The following CNTNAP2 variants were observed in gnomAD, a reference collection of about 807,000 sequenced individuals.
The protein encoded by CNTNAP2 is contactin associated protein 2, also known as contactin-associated protein-like 2.
A neutral mutation model predicts 155.2 loss-of-function variants in CNTNAP2; 98 were observed. The observed-to-expected ratio is 0.63, with a 90% CI of 0.54 to 0.75. The LOEUF is 0.75. Among genes scored for constraint, CNTNAP2 ranks in the 30% least tolerant of loss-of-function variants. The pLI is 0.00. For synonymous variants in CNTNAP2, 651 were observed against 631.2 expected, an observed-to-expected ratio of 1.03 and a Z score of -0.47; for missense variants, 1,727 against 1,688.1, an observed-to-expected ratio of 1.02 and a Z score of -0.40.
intron 15 of CNTNAP2, among the ~76,000 whole-genome samples, chr7:148,106,722 C>CA (rs200862450): frequency 0.01 from 1,568 of 151,904 alleles, 19 homozygotes; most frequent in South Asian, 0.045. Context: ...CCTCTACATG[C>CA]AAAAAATACT....
intron 11 of CNTNAP2, among the ~76,000 whole-genome samples, chr7:147,489,156 C>T (rs1381023511): frequency 2.0e-5 from 3 of 152,168 alleles, no homozygotes; most frequent in Non-Finnish European, 4.4e-5. Flanking sequence ...GAGTATGCCT[C>T]CTAAACCTAT....
chr7:146,671,934 G>A (rs964249689), intron 1 of CNTNAP2, among the ~76,000 whole-genome samples: 1 of 151,968 alleles, frequency 6.6e-6, no homozygotes, highest in Non-Finnish European at 1.5e-5. Flanking sequence ...TCCTGCTTCA[G>A]CCTCCCGAGT....
intron 1 of CNTNAP2, among the ~76,000 whole-genome samples, chr7:146,165,078 T>C (rs1392916030): frequency 6.6e-6 from 1 of 152,174 alleles, no homozygotes; most frequent in East Asian, 1.9e-4. Flanking sequence ...CTATGACAAT[T>C]ATCTTTAAAC....
Position 146,783,726 on chromosome 7 carries a change from C to T in CNTNAP2, c.208+9345C>T, listed in dbSNP as rs932861118. ...TTGTTGCAATTTCCATAGAGCAATG[C>T]GTCCCAAAGTGCATGATGTTAATAT... On this transcript the variant is annotated intron_variant, in intron 2 of 23. Coordinates refer to ENST00000361727, the MANE Select transcript of CNTNAP2 (RefSeq NM_014141.6). Among the ~76,000 whole-genome samples the T allele has an allele frequency of 6.6e-5, 10 of 152,262 alleles. No individual in the cohort carries two copies. The South Asian group carries it at 1.7e-3, about 25-fold the overall frequency.
chr7:146,202,876 C>A (rs1432177714), intron 1 of CNTNAP2, among the ~76,000 whole-genome samples: 5 of 152,030 alleles, frequency 3.3e-5, no homozygotes, highest in Non-Finnish European at 7.4e-5. Flanking sequence ...AATTTGAATC[C>A]ATTATCTTTT....
chr7:148,353,491 C>T (rs1239424939), intron 21 of CNTNAP2, among the ~76,000 whole-genome samples: 4 of 152,226 alleles, frequency 2.6e-5, no homozygotes, highest in African/African-American at 9.6e-5. Context: ...ACCTCCTCTA[C>T]ATATTATCAT....
At chr7:148,275,232 A>G (rs187454543) in intron 21 of CNTNAP2, among the ~76,000 whole-genome samples, 3 of 152,324 alleles carry the variant, frequency 2.0e-5, no homozygotes, top group Admixed American at 2.0e-4. Context: ...TCTGGAAAAG[A>G]AGGTAATGGA....
At chr7:146,432,406 A>G (rs1796185300) in intron 1 of CNTNAP2, among the ~76,000 whole-genome samples, 1 of 152,148 alleles carries the variant, frequency 6.6e-6, no homozygotes, top group Non-Finnish European at 1.5e-5. Flanking sequence ...ATTGAATTAT[A>G]TATTTTTTGA....
intron 1 of CNTNAP2, among the ~76,000 whole-genome samples, chr7:146,380,926 G>A (rs963580150): frequency 6.7e-6 from 1 of 148,994 alleles, no homozygotes; most frequent in Non-Finnish European, 1.5e-5. Context: ...AGCCTCCCGA[G>A]TAGCTGGGAC....
At chr7:146,936,810 A>G (rs1284103753) in intron 3 of CNTNAP2, among the ~76,000 whole-genome samples, 2 of 152,006 alleles carry the variant, frequency 1.3e-5, no homozygotes, top group African/African-American at 2.4e-5. Context: ...CTCACTTCCA[A>G]TTTCTGTAGG....
intron 21 of CNTNAP2, among the ~76,000 whole-genome samples, chr7:148,352,321 G>A (rs1481416633): frequency 6.6e-6 from 1 of 152,104 alleles, no homozygotes; most frequent in Non-Finnish European, 1.5e-5. Context: ...AAGGCAAGGT[G>A]GACTCAGACA....
At chr7:146,805,951 T>C in intron 2 of CNTNAP2, among the ~76,000 whole-genome samples, 1 of 152,032 alleles carries the variant, frequency 6.6e-6, no homozygotes, top group South Asian at 2.1e-4. Flanking sequence ...GTTTTCACAG[T>C]TTGAGGTTCT....
chr7:147,526,558 G>C (rs1446984033), intron 11 of CNTNAP2, among the ~76,000 whole-genome samples: 2 of 152,224 alleles, frequency 1.3e-5, no homozygotes, highest in Non-Finnish European at 2.9e-5. Flanking sequence ...CTCATTGCTT[G>C]AAGGAATAAT....
rs1183698558 is a variant in CNTNAP2, at chr7:146,626,018, T to G, written c.98-148253T>G. On this transcript the variant is annotated intron_variant, in intron 1 of 23. Coordinates refer to ENST00000361727, the MANE Select transcript of CNTNAP2 (RefSeq NM_014141.6). Reference sequence around the variant, plus strand: ...TGGAAATGGATGAATCATTTCTCATTTCTTCTGAAAGACATACATTGTGCT... The same window carrying G: ...TGGAAATGGATGAATCATTTCTCATGTCTTCTGAAAGACATACATTGTGCT... 2.6e-5 allele frequency among the ~76,000 whole-genome samples: 4 copies of G among 152,094 alleles called. No individual in the cohort carries two copies. In the South Asian group the frequency reaches 8.3e-4, roughly 32 times the overall value.
chr7:147,446,263 G>T (rs1797738383), intron 10 of CNTNAP2, among the ~76,000 whole-genome samples: 1 of 151,366 alleles, frequency 6.6e-6, no homozygotes, highest in South Asian at 2.1e-4. Flanking sequence ...TTCCAAGGTG[G>T]CACTCTTCCT....
At position 146,839,819 on chromosome 7, in the gene CNTNAP2, G is replaced by T; in HGVS notation, c.317G>T (p.Ser106Ile). The change falls in exon 3 of 24, where the codon AGC (serine) becomes ATC (isoleucine). Residue 106 changes from serine to isoleucine, a missense_variant. Physicochemically the swap from Ser to Ile is moderately radical, Grantham distance 142 (BLOSUM62 -2). Coordinates refer to ENST00000361727, the MANE Select transcript of CNTNAP2 (RefSeq NM_014141.6). Reference protein sequence around the residue: ...SAIATQGRYSSSDWVTQYRML... With the variant: ...SAIATQGRYSISDWVTQYRML... ...ATTGCAACCCAAGGAAGGTATAGCA[G>T]CTCAGATTGGGTGACCCAATACCGG... 1 of 1,614,134 alleles carries T rather than the reference G, an allele frequency of 6.2e-7. No homozygotes were observed. The highest frequency in any genetic ancestry group is 8.5e-7 in the Non-Finnish European group (1 of 1,180,032).
Position 147,128,794 on chromosome 7 carries a change from T to A in CNTNAP2, c.1041T>A (p.Ile347=). The A allele has an allele frequency of 6.2e-7, 1 of 1,614,086 alleles. No homozygotes were observed. Residue 347 remains isoleucine (I), a synonymous_variant, in exon 7 of 24, where the codon ATT becomes ATA. Coordinates refer to ENST00000361727, the MANE Select transcript of CNTNAP2 (RefSeq NM_014141.6). ...MESINYNGVN[I]TDLARRKKLE... is the part of the protein sequence containing the mutation. ...GCATCAACTACAATGGCGTCAACAT[T>A]ACTGATCTTGCCAGAAGGAAGAAAT...
intron 8 of CNTNAP2, among the ~76,000 whole-genome samples, chr7:147,245,363 G>A (rs1804033866): frequency 6.6e-6 from 1 of 152,106 alleles, no homozygotes; most frequent in Non-Finnish European, 1.5e-5. Flanking sequence ...GATGGAGGGA[G>A]TCGTCTCTCT....
rs1802940958 is a variant in CNTNAP2 at position 146,804,906 on chromosome 7, CT to C, written c.208+30526del. ...AGTTCAGGGAGGCTTTCTTTCAATA[CT>C]GCAAGTCCTCATTGTCCTCCTCTTA... On this transcript the variant is annotated intron_variant, in intron 2 of 23. Coordinates refer to ENST00000361727, the MANE Select transcript of CNTNAP2 (RefSeq NM_014141.6). Among the ~76,000 whole-genome samples the C allele has an allele frequency of 3.9e-5, 6 of 152,326 alleles. No individual in the cohort carries two copies. In the South Asian group the frequency reaches 1.2e-3, roughly 32 times the overall value.
Sources: allele counts gnomAD v4.1 joint callset (sites outside exome capture counted in the v4.1 genomes callset), GRCh38; gene constraint gnomAD v4.1.1; transcripts MANE v1.5; gene names NCBI Gene and HGNC (gene_info 2026-07-23, HGNC 2026-07-21).